SH3RF3: variants seen among roughly 807,000 people sequenced by gnomAD.
The protein encoded by SH3RF3 is E3 ubiquitin-protein ligase SH3RF3.
SH3RF3 carries 29 observed loss-of-function variants against 66.3 expected under a neutral mutation model. The observed-to-expected ratio is 0.44, with a 90% confidence interval of 0.33 to 0.60. SH3RF3 has a LOEUF of 0.60. Among genes scored for constraint, SH3RF3 ranks in the 20% least tolerant of loss-of-function variants. SH3RF3 has a pLI of 0.04. For missense variants in SH3RF3, 1,194 were observed against 1,190.9 expected (o/e 1.00, Z -0.04); for synonymous variants, 583 against 532.0 (o/e 1.10, Z -1.32).
intron 1 of SH3RF3, among the ~76,000 whole-genome samples, chr2:109,237,709 A>G (rs189449586): frequency 1.6e-4 from 25 of 152,268 alleles, no homozygotes; most frequent in Non-Finnish European, 2.4e-4. Context: ...AAGATTGGAC[A>G]CTCCTACTTT....
intron 1 of SH3RF3, among the ~76,000 whole-genome samples, chr2:109,213,717 A>G (rs1679044966): frequency 6.6e-6 from 1 of 152,164 alleles, no homozygotes; most frequent in Non-Finnish European, 1.5e-5. Flanking sequence ...CCTGGCCTTT[A>G]TCCTTTACCT....
intron 4 of SH3RF3, among the ~76,000 whole-genome samples, chr2:109,412,383 G>T (rs1422725452): frequency 1.3e-5 from 2 of 152,256 alleles, no homozygotes; most frequent in Non-Finnish European, 2.9e-5. Flanking sequence ...CGTGGCTCTG[G>T]CTGTGCTTTG....
chr2:109,251,250 G>A (rs970978780), intron 1 of SH3RF3, among the ~76,000 whole-genome samples: 5 of 152,114 alleles, frequency 3.3e-5, no homozygotes, highest in Admixed American at 1.3e-4. Context: ...TTATCCACCC[G>A]CCTCAGCCTC....
At chr2:109,132,203 T>A (rs1425675586) in intron 1 of SH3RF3, among the ~76,000 whole-genome samples, 4 of 152,220 alleles carry the variant, frequency 2.6e-5, no homozygotes, top group Non-Finnish European at 5.9e-5. Flanking sequence ...GTCCCATCAT[T>A]TTCCAATTAG....
chr2:109,203,186 C>T (rs551749378), intron 1 of SH3RF3, among the ~76,000 whole-genome samples: 22 of 152,252 alleles, frequency 1.4e-4, no homozygotes, highest in Non-Finnish European at 2.4e-4. Flanking sequence ...ATTGAGGATG[C>T]CTTGCCCGCA....
At chr2:109,379,762 A>G (rs1455760775) in intron 3 of SH3RF3, among the ~76,000 whole-genome samples, 1 of 152,100 alleles carries the variant, frequency 6.6e-6, no homozygotes, top group Non-Finnish European at 1.5e-5. Flanking sequence ...AACACTTTGT[A>G]AAGCCCTCCT....
At chr2:109,427,587 C>G (rs752402080) in intron 5 of SH3RF3, among the ~76,000 whole-genome samples, 1 of 152,272 alleles carries the variant, frequency 6.6e-6, no homozygotes, top group East Asian at 1.9e-4. Flanking sequence ...GTTCACACTT[C>G]GGGAGTCCCT....
chr2:109,357,250 C>T lies in SH3RF3; in HGVS notation c.849+9301C>T, dbSNP rs145555011. ...AGGCTGGAGTGCAGTGGCACGATCT[C>T]GGCTTGCTGCAAGCTCCGCCTCCCA... is the stretch of plus-strand genomic sequence containing the variant. On this transcript the variant is annotated intron_variant, in intron 2 of 9. Transcript: ENST00000309415. 6.4e-3 allele frequency among the ~76,000 whole-genome samples: 966 copies of T among 151,898 alleles called. 10 individuals are homozygous for T. Among genetic ancestry groups the T allele is most frequent in the East Asian group, 0.047 (244 of 5,144 alleles).
At chr2:109,387,435 G>A (rs1014789683) in intron 3 of SH3RF3, among the ~76,000 whole-genome samples, 2 of 152,130 alleles carry the variant, frequency 1.3e-5, no homozygotes, top group Non-Finnish European at 2.9e-5. Flanking sequence ...TTCTGCCCAT[G>A]TGTCTGCTCC....
intron 1 of SH3RF3, among the ~76,000 whole-genome samples, chr2:109,183,984 A>G (rs1322097965): frequency 6.6e-6 from 1 of 152,206 alleles, no homozygotes; most frequent in African/African-American, 2.4e-5. Context: ...TCTTCTGTAG[A>G]ATGGAGCCCT....
chr2:109,299,678 A>C (rs1023051286), intron 1 of SH3RF3, among the ~76,000 whole-genome samples: 1 of 152,196 alleles, frequency 6.6e-6, no homozygotes, highest in Non-Finnish European at 1.5e-5. Context: ...CCTAAAAGCC[A>C]GTTCTGCCCG....
At chr2:109,176,710 C>T (rs1436865158) in intron 1 of SH3RF3, among the ~76,000 whole-genome samples, 1 of 152,070 alleles carries the variant, frequency 6.6e-6, no homozygotes, top group Non-Finnish European at 1.5e-5. Context: ...GCACTCTAGC[C>T]TGGGTCACAG....
At chr2:109,181,536 C>G (rs1386193125) in intron 1 of SH3RF3, among the ~76,000 whole-genome samples, 1 of 152,202 alleles carries the variant, frequency 6.6e-6, no homozygotes, top group Admixed American at 6.5e-5. Context: ...CCAAAAGTTT[C>G]TTTATCCTCT....
intron 7 of SH3RF3, among the ~76,000 whole-genome samples, chr2:109,446,923 C>A (rs1287116205): frequency 6.6e-6 from 1 of 151,938 alleles, no homozygotes; most frequent in Non-Finnish European, 1.5e-5. Flanking sequence ...CTGTCACCCC[C>A]CTTCCAGGGA....
intron 1 of SH3RF3, among the ~76,000 whole-genome samples, chr2:109,278,338 G>A (rs1371072459): frequency 6.6e-6 from 1 of 152,228 alleles, no homozygotes; most frequent in Non-Finnish European, 1.5e-5. Flanking sequence ...CCGTAATGGG[G>A]GTGGGCCCAG....
intron 1 of SH3RF3, among the ~76,000 whole-genome samples, chr2:109,240,573 C>CT (rs1344480915): frequency 2.0e-5 from 3 of 152,174 alleles, no homozygotes; most frequent in Non-Finnish European, 4.4e-5. Context: ...TGGTGTGGCA[C>CT]TTTGACTTGT....
At chr2:109,264,392 T>C (rs1299675716) in intron 1 of SH3RF3, among the ~76,000 whole-genome samples, 3 of 145,242 alleles carry the variant, frequency 2.1e-5, no homozygotes, top group Non-Finnish European at 4.5e-5. Context: ...AGGATCCACC[T>C]CGAGTCTGTG....
chr2:109,175,403 G>A (rs187306420), intron 1 of SH3RF3, among the ~76,000 whole-genome samples: 2 of 152,348 alleles, frequency 1.3e-5, no homozygotes, highest in Non-Finnish European at 2.9e-5. Context: ...AGGCACACTT[G>A]GAAATAAATG....
chr2:109,250,396 A>G (rs1680058257), intron 1 of SH3RF3, among the ~76,000 whole-genome samples: 1 of 152,116 alleles, frequency 6.6e-6, no homozygotes, highest in Non-Finnish European at 1.5e-5. Flanking sequence ...GTAAGCTTGT[A>G]TTATATACAA....
Sources: allele counts gnomAD v4.1 joint callset (sites outside exome capture counted in the v4.1 genomes callset), GRCh38; gene constraint gnomAD v4.1.1; transcripts MANE v1.5; gene names NCBI Gene and HGNC (gene_info 2026-07-23, HGNC 2026-07-21).